DACH2: variants seen among roughly 807,000 people sequenced by gnomAD.
DACH2 encodes the protein dachshund family transcription factor 2, also known as dachshund homolog 2.
In DACH2, 17 loss-of-function variants were observed where a neutral mutation model predicts 35.8. The ratio of observed to expected loss-of-function variants is 0.48; its 90% confidence interval spans 0.33 to 0.71. The LOEUF (loss-of-function observed/expected upper bound fraction) is 0.71. Among genes scored for constraint, DACH2 ranks in the 30% least tolerant of loss-of-function variants. The pLI, the probability that DACH2 is intolerant of heterozygous loss-of-function variation, is 0.02. For missense variants in DACH2, 469 were observed against 472.7 expected (o/e 0.99, Z 0.07); for synonymous variants, 195 against 177.3 (o/e 1.10, Z -0.79).
intron 2 of DACH2, among the ~76,000 whole-genome samples, chrX:86,434,671 CACT>C (rs1483053419): frequency 1.8e-5 from 2 of 111,583 alleles, no homozygotes; most frequent in Non-Finnish European, 3.8e-5. Flanking sequence ...TTTTTTCCAC[CACT>C]GTTTTTGTTT....
At chrX:86,346,263 CAG>C (rs1436533057) in intron 1 of DACH2, among the ~76,000 whole-genome samples, 1 of 103,969 alleles carries the variant, frequency 9.6e-6, no homozygotes, top group Non-Finnish European at 2.0e-5. Context: ...GGCTGAAAGA[CAG>C]AGTTTTCTTT....
chrX:86,324,786 C>G (rs1204407480), intron 1 of DACH2, among the ~76,000 whole-genome samples: 1 of 108,132 alleles, frequency 9.2e-6, no homozygotes, highest in African/African-American at 3.4e-5. Flanking sequence ...ACTGTGTTAG[C>G]CAGGATGGTC....
At chrX:86,805,789 C>G (rs1435627004) in intron 7 of DACH2, among the ~76,000 whole-genome samples, 1 of 112,053 alleles carries the variant, frequency 8.9e-6, no homozygotes, top group Non-Finnish European at 1.9e-5. Context: ...ATCCCTAGAG[C>G]AGGCACACAA....
chrX:86,653,370 T>C (rs978152544), intron 4 of DACH2, among the ~76,000 whole-genome samples: 2 of 111,438 alleles, frequency 1.8e-5, no homozygotes, highest in Admixed American at 9.6e-5. Flanking sequence ...TGTGATGCCT[T>C]CAGCTTTGAT....
intron 1 of DACH2, among the ~76,000 whole-genome samples, chrX:86,268,342 C>T (rs1359895622): frequency 9.0e-6 from 1 of 110,992 alleles, no homozygotes; most frequent in Non-Finnish European, 1.9e-5. Context: ...CATATTAACT[C>T]ATTTAAGCCT....
chrX:86,164,416 G>A (rs751869269), intron 1 of DACH2, among the ~76,000 whole-genome samples: 2 of 111,515 alleles, frequency 1.8e-5, no homozygotes, highest in South Asian at 7.5e-4. Context: ...TTCTTTTGCT[G>A]TGCAGAAGCT....
chrX:86,625,595 A>C (rs1389988701), intron 3 of DACH2, among the ~76,000 whole-genome samples: 1 of 111,272 alleles, frequency 9.0e-6, no homozygotes, highest in Non-Finnish European at 1.9e-5. Context: ...GATGCTGTTA[A>C]TAAAGACATA....
At chrX:86,532,865 G>T (rs916023526) in intron 3 of DACH2, among the ~76,000 whole-genome samples, 7 of 110,215 alleles carry the variant, frequency 6.4e-5, no homozygotes, top group Non-Finnish European at 1.1e-4. Flanking sequence ...ACCATACATT[G>T]TTCATTTCTA....
chrX:86,727,630 C>T (rs2041484946), intron 6 of DACH2, among the ~76,000 whole-genome samples: 1 of 110,646 alleles, frequency 9.0e-6, no homozygotes, highest in Non-Finnish European at 1.9e-5. Context: ...TGAGCTCTCA[C>T]TCTGAGTTGA....
intron 7 of DACH2, among the ~76,000 whole-genome samples, chrX:86,795,553 C>T (rs2147328621): frequency 8.9e-6 from 1 of 112,393 alleles, no homozygotes; most frequent in Admixed American, 9.4e-5. Flanking sequence ...TAAGGTTATC[C>T]AAAGCAAACA....
intron 3 of DACH2, among the ~76,000 whole-genome samples, chrX:86,566,091 CACTAA>C (rs1433366065): frequency 9.0e-6 from 1 of 111,710 alleles, no homozygotes; most frequent in African/African-American, 3.2e-5. Flanking sequence ...TGGCTGTGGA[CACTAA>C]ACTAAACAAT....
chrX:86,603,593 T>C (rs944658348), intron 3 of DACH2, among the ~76,000 whole-genome samples: 1 of 111,462 alleles, frequency 9.0e-6, no homozygotes, highest in African/African-American at 3.3e-5. Flanking sequence ...ACAAGTTATC[T>C]GACTGCTTTA....
chrX:86,158,645 A>G (rs747708232), intron 1 of DACH2, among the ~76,000 whole-genome samples: 1 of 110,244 alleles, frequency 9.1e-6, no homozygotes, highest in Non-Finnish European at 1.9e-5. Context: ...CTGTTCTTTC[A>G]TGGACCATAC....
chrX:86,523,818 T>C (rs1217637269), intron 3 of DACH2, among the ~76,000 whole-genome samples: 5 of 111,008 alleles, frequency 4.5e-5, no homozygotes, highest in African/African-American at 1.3e-4. Flanking sequence ...ACAGGAGCAA[T>C]TGGGGAAGTC....
intron 2 of DACH2, among the ~76,000 whole-genome samples, chrX:86,382,645 C>T (rs1394841757): frequency 9.0e-6 from 1 of 110,729 alleles, no homozygotes; most frequent in African/African-American, 3.3e-5. Flanking sequence ...AAATATAAAT[C>T]AGTTAATCTC....
chrX:86,443,009 G>A lies in DACH2; in HGVS notation c.527+66147G>A, dbSNP rs370177042. On this transcript the variant is annotated intron_variant, in intron 2 of 11. Coordinates refer to ENST00000373125, the MANE Select transcript of DACH2 (RefSeq NM_053281.3). The stretch of plus-strand genomic sequence containing the variant: ...AATATATTTGGAAGTCAGGTAGTGT[G>A]ATGCCTCCAGCTTTTCTTTTTTTGC... 9.8e-5 allele frequency among the ~76,000 whole-genome samples: 11 copies of A among 111,952 alleles called. No individual in the cohort carries two copies. The East Asian group carries it at 1.1e-3, about 11-fold the overall frequency.
intron 7 of DACH2, among the ~76,000 whole-genome samples, chrX:86,765,697 G>GGTTTTTTTTTTTTTTTTTTTTTTTTT (rs2041925878): frequency 2.8e-5 from 1 of 35,232 alleles, no homozygotes; most frequent in Admixed American, 3.7e-4. Flanking sequence ...GTTGTTTTTT[G>GGTTTTTTTTTTTTTTTTTTTTTTTTT]GTTTTTTTTT....
chrX:86,281,441 A>T (rs1165679887), intron 1 of DACH2, among the ~76,000 whole-genome samples: 1 of 111,560 alleles, frequency 9.0e-6, no homozygotes, highest in Non-Finnish European at 1.9e-5. Flanking sequence ...CCTTCAATAA[A>T]ATTCAACACC....
chrX:86,241,522 G>A (rs1420164696), intron 1 of DACH2, among the ~76,000 whole-genome samples: 4 of 112,145 alleles, frequency 3.6e-5, no homozygotes, highest in Admixed American at 9.5e-5. Context: ...TTAAAAGGGA[G>A]GCAGAGCATG....
Sources: gnomAD v4.1 joint callset for allele counts (sites outside exome capture counted in the v4.1 genomes callset) on GRCh38, gnomAD v4.1.1 for gene constraint, MANE v1.5 for transcripts, NCBI Gene and HGNC (gene_info 2026-07-23, HGNC 2026-07-21) for gene names.